The following ICA1 variants were observed in gnomAD, a reference collection of about 807,000 sequenced individuals.
ICA1 encodes the protein 69 kDa islet cell autoantigen.
A neutral mutation model predicts 71.0 loss-of-function variants in ICA1; 40 were observed. The observed-to-expected ratio is 0.56, with a 90% CI of 0.44 to 0.73. ICA1 has a LOEUF of 0.73. Ranked by LOEUF, ICA1 falls within the 30% of genes least tolerant of loss-of-function variation. The pLI is 0.00. For missense variants in ICA1, 578 were observed against 576.5 expected, an observed-to-expected ratio of 1.00 and a Z score of -0.03; for synonymous variants, 207 against 209.5, an observed-to-expected ratio of 0.99 and a Z score of 0.10.
chr7:8,145,940 C>T (rs1796738220), intron 8 of ICA1, among the ~76,000 whole-genome samples: 1 of 152,052 alleles, frequency 6.6e-6, no homozygotes, highest in African/African-American at 2.4e-5. Flanking sequence ...CACCAATATT[C>T]TAAAGTGGAA....
chr7:8,188,295 T>A (rs1412953167), intron 6 of ICA1, among the ~76,000 whole-genome samples: 1 of 152,214 alleles, frequency 6.6e-6, no homozygotes, highest in Non-Finnish European at 1.5e-5. Flanking sequence ...TTTCTAAGTT[T>A]CATCATTTCT....
intron 6 of ICA1, among the ~76,000 whole-genome samples, chr7:8,210,839 G>C (rs868037879): frequency 6.6e-6 from 1 of 152,092 alleles, no homozygotes; most frequent in African/African-American, 2.4e-5. Context: ...CAGCTTCCTG[G>C]GTAGCTGGGA....
intron 6 of ICA1, among the ~76,000 whole-genome samples, chr7:8,167,752 A>C (rs1172137309): frequency 1.3e-5 from 2 of 152,140 alleles, no homozygotes; most frequent in Non-Finnish European, 2.9e-5. Flanking sequence ...TAGACCAGGG[A>C]TGGACATCTT....
At position 8,113,608 on chromosome 7, in the gene ICA1, C is replaced by G. The variant is rs116400911; in HGVS notation, c.*315G>C. On this transcript the variant is annotated 3_prime_UTR_variant, in exon 14 of 14. Transcript: ENST00000402384. The surrounding 1 kb of genome is among the most constrained non-coding windows in gnomAD (Gnocchi z 4.2). ...TCAAACCTACCATCAAAGTAGGCTT[C>G]TGATTTCAACTTGGATCTCACGGTA... 2,710 of 216,698 alleles carry G rather than the reference C, an allele frequency of 0.013. 85 individuals are homozygous for G. The highest frequency in any genetic ancestry group is 0.059 in the African/African-American group (2,565 of 43,736). 13.4% of individuals were successfully genotyped at this position (216,698 alleles called of 1,614,324 possible).
At chr7:8,152,520 ACC>A (rs1799182831) in intron 8 of ICA1, among the ~76,000 whole-genome samples, 1 of 144,014 alleles carries the variant, frequency 6.9e-6, no homozygotes, top group Non-Finnish European at 1.5e-5. Flanking sequence ...ACTACCACTC[ACC>A]TCTTTCACTA....
chr7:8,180,547 G>A (rs187189063), intron 6 of ICA1, among the ~76,000 whole-genome samples: 23 of 152,164 alleles, frequency 1.5e-4, no homozygotes, highest in African/African-American at 4.3e-4. Flanking sequence ...TAAAGTATAC[G>A]AGTTTTAGTA....
At chr7:8,205,478 A>G (rs973524661) in intron 6 of ICA1, among the ~76,000 whole-genome samples, 1 of 152,190 alleles carries the variant, frequency 6.6e-6, no homozygotes, top group Non-Finnish European at 1.5e-5. Flanking sequence ...AGCCCAATCC[A>G]TAACATGCAC....
intron 6 of ICA1, among the ~76,000 whole-genome samples, chr7:8,197,617 G>A (rs985793327): frequency 7.1e-5 from 9 of 127,334 alleles, no homozygotes; most frequent in Non-Finnish European, 1.2e-4. Flanking sequence ...TAATAATAAT[G>A]GAGTCTTTCT....
At chr7:8,170,109 T>C (rs927916008) in intron 6 of ICA1, among the ~76,000 whole-genome samples, 4 of 151,998 alleles carry the variant, frequency 2.6e-5, no homozygotes, top group Non-Finnish European at 4.4e-5. Context: ...TCAATACGGA[T>C]ACCCAATAGT....
chr7:8,149,537 C>G (rs1435452727), intron 8 of ICA1, among the ~76,000 whole-genome samples: 1 of 152,146 alleles, frequency 6.6e-6, no homozygotes, highest in Non-Finnish European at 1.5e-5. Context: ...TGGGAGTTAC[C>G]ACTTCCTGTA....
chr7:8,183,550 T>C (rs562539104), intron 6 of ICA1, among the ~76,000 whole-genome samples: 1 of 152,306 alleles, frequency 6.6e-6, no homozygotes, highest in African/African-American at 2.4e-5. Context: ...AGAAAGGGTA[T>C]CCAATCTGGG....
At chr7:8,208,764 C>T (rs1327499065) in intron 6 of ICA1, among the ~76,000 whole-genome samples, 7 of 152,156 alleles carry the variant, frequency 4.6e-5, no homozygotes, top group Non-Finnish European at 1.0e-4. Context: ...CAAAAAGAGA[C>T]AGAGGCCAGC....
chr7:8,201,001 A>G (rs1789450813), intron 6 of ICA1, among the ~76,000 whole-genome samples: 1 of 152,218 alleles, frequency 6.6e-6, no homozygotes, highest in Non-Finnish European at 1.5e-5. Context: ...CATTTACTTT[A>G]GTGGTCAATG....
intron 8 of ICA1, among the ~76,000 whole-genome samples, chr7:8,145,107 A>T (rs1476990715): frequency 6.6e-6 from 1 of 152,212 alleles, no homozygotes; most frequent in Non-Finnish European, 1.5e-5. Context: ...CTCTCTGCAC[A>T]GAGTAATTTT....
intron 6 of ICA1, among the ~76,000 whole-genome samples, chr7:8,186,482 A>G (rs545204337): frequency 6.6e-6 from 1 of 152,290 alleles, no homozygotes; most frequent in South Asian, 2.1e-4. Flanking sequence ...GGTCCTGAGC[A>G]GGGAAGTGGC....
chr7:8,146,196 A>G (rs1796830076), intron 8 of ICA1, among the ~76,000 whole-genome samples: 1 of 152,216 alleles, frequency 6.6e-6, no homozygotes, highest in Non-Finnish European at 1.5e-5. Context: ...GCAGATAATT[A>G]AAACCGAGGG....
intron 6 of ICA1, among the ~76,000 whole-genome samples, chr7:8,190,864 A>G (rs1326896391): frequency 6.6e-6 from 1 of 152,238 alleles, no homozygotes; most frequent in Admixed American, 6.5e-5. Context: ...TTAGGGAACA[A>G]GGAAGTTTGC....
At chr7:8,143,584 G>T (rs77110725) in intron 9 of ICA1, among the ~76,000 whole-genome samples, 64 of 152,302 alleles carry the variant, frequency 4.2e-4, no homozygotes, top group African/African-American at 1.4e-3. Flanking sequence ...CAGGTCACAG[G>T]CAGAGAGCCA....
intron 6 of ICA1, among the ~76,000 whole-genome samples, chr7:8,200,581 G>A (rs1789287584): frequency 6.6e-6 from 1 of 152,148 alleles, no homozygotes; most frequent in South Asian, 2.1e-4. Context: ...AAGTATGGAA[G>A]GGGCCTTGCT....
Sources: gnomAD v4.1 joint callset for allele counts (sites outside exome capture counted in the v4.1 genomes callset) on GRCh38, gnomAD v4.1.1 for gene constraint, Gnocchi (gnomAD v3.1) non-coding constraint, MANE v1.5 for transcripts, NCBI Gene and HGNC (gene_info 2026-07-23, HGNC 2026-07-21) for gene names.